The following ANKS1B variants were observed in gnomAD, a reference collection of about 807,000 sequenced individuals.
The protein encoded by ANKS1B is ankyrin repeat and sterile alpha motif domain-containing protein 1B.
ANKS1B carries 36 observed loss-of-function variants against 148.3 expected under a neutral mutation model. The observed-to-expected ratio is 0.24, with a 90% confidence interval of 0.19 to 0.32. ANKS1B has a LOEUF of 0.32. Ranked by LOEUF, ANKS1B falls within the 10% of genes least tolerant of loss-of-function variation. The pLI, the probability that ANKS1B is intolerant of heterozygous loss-of-function variation, is 1.00. For missense variants in ANKS1B, 1,157 were observed against 1,542.6 expected, an observed-to-expected ratio of 0.75 and a Z score of 4.19; for synonymous variants, 542 against 560.8, an observed-to-expected ratio of 0.97 and a Z score of 0.47.
intron 11 of ANKS1B, among the ~76,000 whole-genome samples, chr12:99,432,726 A>T (rs910421293): frequency 6.6e-6 from 1 of 152,198 alleles, no homozygotes; most frequent in Non-Finnish European, 1.5e-5. Flanking sequence ...ACCTGAAGGA[A>T]GGATGATAAT....
At chr12:99,229,383 A>T (rs998548258) in intron 14 of ANKS1B, among the ~76,000 whole-genome samples, 6 of 152,086 alleles carry the variant, frequency 3.9e-5, no homozygotes, top group African/African-American at 1.4e-4. Context: ...AACAATGCTG[A>T]AATGAATATC....
chr12:99,578,113 A>C (rs2097535748), intron 9 of ANKS1B, among the ~76,000 whole-genome samples: 1 of 152,168 alleles, frequency 6.6e-6, no homozygotes, highest in African/African-American at 2.4e-5. Context: ...AGTAAAAATA[A>C]AACCATATGA....
chr12:99,675,418 T>C (rs554664876), intron 8 of ANKS1B, among the ~76,000 whole-genome samples: 5 of 152,010 alleles, frequency 3.3e-5, no homozygotes, highest in Non-Finnish European at 5.9e-5. Flanking sequence ...ATATGAAAAA[T>C]TGTCATTTTA....
intron 8 of ANKS1B, among the ~76,000 whole-genome samples, chr12:99,713,998 T>C (rs2056974217): frequency 6.6e-6 from 1 of 152,256 alleles, no homozygotes; most frequent in African/African-American, 2.4e-5. Flanking sequence ...TTCTGGAGGT[T>C]AGAAATCTAA....
At chr12:99,836,491 T>A (rs2084882159) in intron 1 of ANKS1B, among the ~76,000 whole-genome samples, 1 of 152,166 alleles carries the variant, frequency 6.6e-6, no homozygotes. Context: ...TCAATACATG[T>A]ATTTTTACCA....
intron 12 of ANKS1B, among the ~76,000 whole-genome samples, chr12:99,306,809 T>C (rs2082411270): frequency 1.3e-5 from 2 of 152,134 alleles, no homozygotes; most frequent in South Asian, 2.1e-4. Context: ...TTCACATATC[T>C]AGTGATCTGT....
chr12:98,815,811 T>C (rs754920403), intron 19 of ANKS1B, among the ~76,000 whole-genome samples: 15 of 152,170 alleles, frequency 9.9e-5, no homozygotes, highest in Non-Finnish European at 1.9e-4. Flanking sequence ...AGCTACTCCC[T>C]TTTCTCGTTT....
At chr12:99,220,934 AAG>A in intron 14 of ANKS1B, among the ~76,000 whole-genome samples, 1 of 152,232 alleles carries the variant, frequency 6.6e-6, no homozygotes. Flanking sequence ...AAATTATAAT[AAG>A]ATTCTTATAT....
intron 9 of ANKS1B, among the ~76,000 whole-genome samples, chr12:99,593,503 T>A (rs2097725153): frequency 6.6e-6 from 1 of 152,074 alleles, no homozygotes; most frequent in South Asian, 2.1e-4. Context: ...CTGCAACAAA[T>A]AATACACTAT....
chr12:99,426,863 C>T (rs959018444), intron 11 of ANKS1B, among the ~76,000 whole-genome samples: 1 of 152,104 alleles, frequency 6.6e-6, no homozygotes, highest in African/African-American at 2.4e-5. Context: ...AACATCAAAA[C>T]AAACACAATG....
chr12:99,358,783 G>A (rs1008636161), intron 12 of ANKS1B, among the ~76,000 whole-genome samples: 3 of 152,062 alleles, frequency 2.0e-5, no homozygotes, highest in African/African-American at 7.2e-5. Context: ...GTCAGGAATT[G>A]TGTCAGATGA....
chr12:99,494,577 C>T (rs998801724), intron 10 of ANKS1B, among the ~76,000 whole-genome samples: 1 of 151,304 alleles, frequency 6.6e-6, no homozygotes, highest in Non-Finnish European at 1.5e-5. Flanking sequence ...ACTAAAAATA[C>T]AAAAAATTAG....
intron 17 of ANKS1B, among the ~76,000 whole-genome samples, chr12:98,963,879 C>T (rs1248793181): frequency 6.6e-6 from 1 of 152,108 alleles, no homozygotes; most frequent in East Asian, 1.9e-4. Flanking sequence ...GCAGGTGAAT[C>T]ACCTGAGGTC....
intron 12 of ANKS1B, among the ~76,000 whole-genome samples, chr12:99,370,797 T>G (rs549730015): frequency 6.6e-6 from 1 of 152,276 alleles, no homozygotes; most frequent in Non-Finnish European, 1.5e-5. Flanking sequence ...TTTATCAGAA[T>G]CTTGGGGGAA....
At chr12:99,768,112 A>G (rs1394139451) in intron 8 of ANKS1B, among the ~76,000 whole-genome samples, 1 of 152,188 alleles carries the variant, frequency 6.6e-6, no homozygotes, top group Admixed American at 6.5e-5. Context: ...CACATTAATT[A>G]AAAATATGGA....
rs756546616 is a variant in ANKS1B, at chr12:99,244,304, A to T, written c.2419+38T>A. Reference sequence around the variant, plus strand: ...ATCATTTTCTCACTACTCCTTAAGCACATTTATTCATTATAATGTAGAGGA... The same window carrying T: ...ATCATTTTCTCACTACTCCTTAAGCTCATTTATTCATTATAATGTAGAGGA... On this transcript the variant is annotated intron_variant, in intron 14 of 26. Coordinates refer to ENST00000683438, the MANE Select transcript of ANKS1B (RefSeq NM_001352186.2). 2.1e-6 allele frequency: 3 copies of T among 1,413,542 alleles called. No individual in the cohort carries two copies. The Admixed American group carries it at 6.0e-5, about 28-fold the overall frequency. The allele number at this position is 1,413,542 out of a possible 1,614,324, so 87.6% of individuals were successfully genotyped here.
intron 14 of ANKS1B, among the ~76,000 whole-genome samples, chr12:99,179,936 G>A (rs2078920007): frequency 6.6e-6 from 1 of 152,130 alleles, no homozygotes; most frequent in African/African-American, 2.4e-5. Flanking sequence ...AACCCCAACT[G>A]CATTTATAAT....
chr12:99,591,656 T>C (rs1437706328), intron 9 of ANKS1B, among the ~76,000 whole-genome samples: 1 of 152,092 alleles, frequency 6.6e-6, no homozygotes, highest in Non-Finnish European at 1.5e-5. Context: ...ACTAAGACCA[T>C]AAATCCATTT....
At chr12:99,980,806 G>A (rs1390513238) in intron 1 of ANKS1B, among the ~76,000 whole-genome samples, 1 of 152,014 alleles carries the variant, frequency 6.6e-6, no homozygotes, top group African/African-American at 2.4e-5. Flanking sequence ...GCTTTATATT[G>A]ACCCATACAG....
Sources: gnomAD v4.1 joint callset for allele counts (sites outside exome capture counted in the v4.1 genomes callset) on GRCh38, gnomAD v4.1.1 for gene constraint, MANE v1.5 for transcripts, NCBI Gene and HGNC (gene_info 2026-07-23, HGNC 2026-07-21) for gene names.